The following SSBP2 variants were observed in gnomAD, a reference collection of about 807,000 sequenced individuals.
SSBP2 encodes the protein single-stranded DNA-binding protein 2.
SSBP2 carries 17 observed loss-of-function variants against 61.8 expected under a neutral mutation model. The ratio of observed to expected loss-of-function variants is 0.28; its 90% CI spans 0.19 to 0.41. The LOEUF (loss-of-function observed/expected upper bound fraction) is 0.41, where lower values mean the gene tolerates loss of function less well. SSBP2 is among the 10% of genes least tolerant of loss of function. The probability of loss-of-function intolerance (pLI) is 1.00; values close to 1 mark genes in which losing one functional copy is unlikely to be tolerated. For synonymous variants in SSBP2, 139 were observed against 141.3 expected, an observed-to-expected ratio of 0.98 and a Z score of 0.12; for missense variants, 310 against 458.7, an observed-to-expected ratio of 0.68 and a Z score of 2.96.
intron 1 of SSBP2, among the ~76,000 whole-genome samples, chr5:81,712,165 T>C (rs1304124142): frequency 2.7e-5 from 4 of 150,364 alleles, no homozygotes; most frequent in Admixed American, 1.3e-4. Context: ...AGCTTGTGAA[T>C]AGACAGATGG....
At chr5:81,725,887 A>C (rs1036412445) in intron 1 of SSBP2, among the ~76,000 whole-genome samples, 1 of 152,132 alleles carries the variant, frequency 6.6e-6, no homozygotes, top group Non-Finnish European at 1.5e-5. Context: ...TGATGGACAC[A>C]TGGTGGGTTG....
chr5:81,501,288 C>T (rs558530621), intron 5 of SSBP2, among the ~76,000 whole-genome samples: 1 of 123,310 alleles, frequency 8.1e-6, no homozygotes, highest in Non-Finnish European at 1.7e-5. Flanking sequence ...CACACATGCA[C>T]ATACACCCAC....
intron 4 of SSBP2, among the ~76,000 whole-genome samples, chr5:81,590,152 G>C (rs1047131133): frequency 1.3e-5 from 2 of 152,138 alleles, no homozygotes; most frequent in African/African-American, 4.8e-5. Context: ...CTGAAGTGGG[G>C]AGGGGTGTGT....
chr5:81,482,388 G>A (rs902345512), intron 6 of SSBP2, among the ~76,000 whole-genome samples: 1 of 152,160 alleles, frequency 6.6e-6, no homozygotes, highest in African/African-American at 2.4e-5. Context: ...GACTGACTAT[G>A]GCTATGAAAG....
At chr5:81,707,856 C>T (rs1754505567) in intron 1 of SSBP2, among the ~76,000 whole-genome samples, 1 of 152,052 alleles carries the variant, frequency 6.6e-6, no homozygotes, top group Admixed American at 6.6e-5. Flanking sequence ...TGGGAAAGTG[C>T]TTGGAAAAAT....
chr5:81,700,291 T>C (rs143967495), intron 1 of SSBP2, among the ~76,000 whole-genome samples: 136 of 152,336 alleles, frequency 8.9e-4, no homozygotes, highest in Non-Finnish European at 1.4e-3. Context: ...AAGTGCACTG[T>C]CAAGGAGCAG....
chr5:81,473,653 G>T lies in SSBP2; in HGVS notation c.570+47C>A, dbSNP rs761453659. 3.3e-6 allele frequency: 5 copies of T among 1,527,032 alleles called. No homozygotes were observed. In the East Asian group the frequency reaches 1.1e-4, roughly 34 times the overall value. The allele number at this position is 1,527,032 out of a possible 1,614,324, so 94.6% of individuals were successfully genotyped here. A position where few individuals can be genotyped will look rare whatever the true frequency, so the allele number is the denominator to read the frequency against. On this transcript the variant is annotated intron_variant, in intron 8 of 16. Transcript: ENST00000320672. The stretch of plus-strand genomic sequence containing the variant: ...CCAGTCTATCATTGATGGGCATTTG[G>T]GTTGGTTCCATATCTTTGCTATTGT...
At chr5:81,612,829 A>C (rs1027067954) in intron 4 of SSBP2, among the ~76,000 whole-genome samples, 2 of 152,058 alleles carry the variant, frequency 1.3e-5, no homozygotes, top group African/African-American at 4.8e-5. Flanking sequence ...TCTGTAATAA[A>C]CTCAAATGCA....
chr5:81,421,634 T>G (rs77038319), intron 16 of SSBP2, among the ~76,000 whole-genome samples: 1 of 152,278 alleles, frequency 6.6e-6, no homozygotes, highest in African/African-American at 2.4e-5. Flanking sequence ...TCAAAAATGA[T>G]TTAGAGAGAA....
At chr5:81,457,472 T>G (rs1159668443) in intron 10 of SSBP2, among the ~76,000 whole-genome samples, 1 of 152,160 alleles carries the variant, frequency 6.6e-6, no homozygotes, top group Non-Finnish European at 1.5e-5. Flanking sequence ...GATGAAAGTA[T>G]AAGGAGGAAG....
At chr5:81,560,926 T>TGTTTAAG (rs1340076545) in intron 4 of SSBP2, among the ~76,000 whole-genome samples, 3 of 152,158 alleles carry the variant, frequency 2.0e-5, no homozygotes, top group African/African-American at 7.2e-5. Context: ...ATTATAGTCA[T>TGTTTAAG]GTTTAAGCAT....
intron 6 of SSBP2, among the ~76,000 whole-genome samples, chr5:81,480,547 T>C (rs750977606): frequency 1.3e-5 from 2 of 152,106 alleles, no homozygotes; most frequent in African/African-American, 2.4e-5. Context: ...CTGATCAGGG[T>C]GGTGTTTGCT....
Position 81,506,181 on chromosome 5 carries a change from G to A in SSBP2, c.372+7447C>T, listed in dbSNP as rs113791795. The stretch of plus-strand genomic sequence containing the variant: ...TGCTTTTATCTTTATAACAGGGAAA[G>A]ATCTGTTCTATTTTCAACATTTAGA... On this transcript the variant is annotated intron_variant, in intron 5 of 16. Coordinates refer to ENST00000320672, the MANE Select transcript of SSBP2 (RefSeq NM_012446.5). Among the ~76,000 whole-genome samples the A allele has an allele frequency of 1.6e-4, 24 of 152,142 alleles. No homozygotes were observed. In the East Asian group the frequency reaches 3.5e-3, roughly 22 times the overall value.
At chr5:81,708,467 T>C (rs1170375513) in intron 1 of SSBP2, among the ~76,000 whole-genome samples, 1 of 152,120 alleles carries the variant, frequency 6.6e-6, no homozygotes, top group Admixed American at 6.5e-5. Flanking sequence ...TGTTCAATTT[T>C]CCTTATTAAC....
chr5:81,592,515 T>G lies in SSBP2; in HGVS notation c.282+22958A>C, dbSNP rs574161992. On this transcript the variant is annotated intron_variant, in intron 4 of 16. Transcript: ENST00000320672. ...GTAGTGGTTCTCCCAGCATGCAGCT[T>G]GAGATCTGAGAATGGGCAGACTGCC... is the stretch of plus-strand genomic sequence containing the variant. Among the ~76,000 whole-genome samples, 907 of 152,034 alleles carry G rather than the reference T, an allele frequency of 6.0e-3. 12 individuals are homozygous for G. The highest frequency in any genetic ancestry group is 0.021 in the African/African-American group (850 of 41,384).
intron 4 of SSBP2, among the ~76,000 whole-genome samples, chr5:81,520,525 CT>C (rs1769394627): frequency 6.6e-6 from 1 of 152,070 alleles, no homozygotes; most frequent in Admixed American, 6.6e-5. Flanking sequence ...AAAAGATATG[CT>C]TTAATTCACA....
At chr5:81,511,396 T>C (rs969244411) in intron 5 of SSBP2, among the ~76,000 whole-genome samples, 4 of 152,166 alleles carry the variant, frequency 2.6e-5, no homozygotes, top group Admixed American at 6.5e-5. Flanking sequence ...ATTCAGGTCA[T>C]TGCCCTTCCT....
chr5:81,499,189 T>A (rs1265346191), intron 5 of SSBP2, among the ~76,000 whole-genome samples: 1 of 152,150 alleles, frequency 6.6e-6, no homozygotes, highest in Non-Finnish European at 1.5e-5. Context: ...CTCCCATACA[T>A]CTTAGATATT....
intron 4 of SSBP2, among the ~76,000 whole-genome samples, chr5:81,539,809 T>C (rs534300217): frequency 1.3e-5 from 2 of 152,252 alleles, no homozygotes; most frequent in South Asian, 2.1e-4. Flanking sequence ...GTTTGTTACA[T>C]AGGTATACAC....
Sources: gnomAD v4.1 joint callset for allele counts (sites outside exome capture counted in the v4.1 genomes callset) on GRCh38, gnomAD v4.1.1 for gene constraint, MANE v1.5 for transcripts, NCBI Gene and HGNC (gene_info 2026-07-23, HGNC 2026-07-21) for gene names.